ZFHX4: variants seen among roughly 807,000 people sequenced by gnomAD.
ZFHX4 encodes the protein zinc finger homeobox protein 4.
ZFHX4 carries 56 observed loss-of-function variants against 267.6 expected under a neutral mutation model. The ratio of observed to expected loss-of-function variants is 0.21; its 90% CI spans 0.17 to 0.26. The LOEUF is 0.26. Among genes scored for constraint, ZFHX4 ranks in the 10% least tolerant of loss-of-function variants. The pLI, the probability that ZFHX4 is intolerant of heterozygous loss-of-function variation, is 1.00. For missense variants in ZFHX4, 4,332 were observed against 4,420.0 expected (o/e 0.98, Z 0.56); for synonymous variants, 1,778 against 1,665.6 (o/e 1.07, Z -1.64).
At chr8:76,808,499 C>T (rs1039255572) in intron 4 of ZFHX4, among the ~76,000 whole-genome samples, 2 of 152,256 alleles carry the variant, frequency 1.3e-5, no homozygotes, top group South Asian at 4.1e-4. Flanking sequence ...ATGACGCTAA[C>T]GAATCCCAGC....
At position 76,845,738 on chromosome 8, in the gene ZFHX4, A is replaced by C. The variant is rs143568043; in HGVS notation, c.3511+2967A>C. On this transcript the variant is annotated intron_variant, in intron 6 of 10. Coordinates refer to ENST00000651372, the MANE Select transcript of ZFHX4 (RefSeq NM_024721.5). ...TTTTAGGGATTGAAAATTATTAAGA[A>C]GGCGGCATCTGCATTGAAATGAATT... is the stretch of plus-strand genomic sequence containing the variant. 5.2e-3 allele frequency among the ~76,000 whole-genome samples: 795 copies of C among 152,130 alleles called. 8 individuals carry two copies. Among genetic ancestry groups the C allele is most frequent in the African/African-American group, 0.018 (758 of 41,546 alleles).
chr8:76,851,186 G>C lies in ZFHX4; in HGVS notation c.4265G>C (p.Arg1422Pro), dbSNP rs764104033. 3 of 1,613,702 alleles carry C rather than the reference G, an allele frequency of 1.9e-6. No individual in the cohort carries two copies. The African/African-American group carries it at 4.0e-5, about 22-fold the overall frequency. ...LQIHSQYHAI[R>P]AATMCNLCQR... is the part of the protein sequence containing the mutation. Reference sequence around the variant, plus strand: ...ATACATTCCCAGTATCATGCAATTCGGGCTGCGACAATGTGTAACCTCTGC... The same window carrying C: ...ATACATTCCCAGTATCATGCAATTCCGGCTGCGACAATGTGTAACCTCTGC... The change falls in exon 10 of 11, where the codon CGG becomes CCG. Residue 1422 changes from arginine (R) to proline (P), a missense_variant. This residue lies in a region of ZFHX4 where 1,371 missense variants were observed against 1,423.1 expected (regional missense o/e 0.96). Coordinates refer to ENST00000651372, the MANE Select transcript of ZFHX4 (RefSeq NM_024721.5).
At chr8:76,744,569 T>G (rs1020724189) in intron 3 of ZFHX4, among the ~76,000 whole-genome samples, 3 of 151,920 alleles carry the variant, frequency 2.0e-5, no homozygotes, top group South Asian at 2.1e-4. Flanking sequence ...TGTGCCATTA[T>G]GCCCAGCTAA....
intron 1 of ZFHX4, among the ~76,000 whole-genome samples, chr8:76,700,623 A>T (rs1808078588): frequency 6.6e-6 from 1 of 152,196 alleles, no homozygotes; most frequent in South Asian, 2.1e-4. Flanking sequence ...ATGAGTAATA[A>T]AAGTTCTTTT....
chr8:76,836,463 T>C (rs1373137452), intron 5 of ZFHX4, among the ~76,000 whole-genome samples: 1 of 152,094 alleles, frequency 6.6e-6, no homozygotes, highest in Non-Finnish European at 1.5e-5. Flanking sequence ...AGAGAAGTTC[T>C]CTGAGGAAAT....
chr8:76,682,758 G>T (rs1807575261), intron 1 of ZFHX4: 1 of 152,490 alleles, frequency 6.6e-6, no homozygotes, highest in Non-Finnish European at 1.5e-5. Flanking sequence ...CCCCCTAAAA[G>T]GGTTCCATGC....
chr8:76,701,899 C>A (rs1457825534), intron 1 of ZFHX4, among the ~76,000 whole-genome samples: 1 of 152,070 alleles, frequency 6.6e-6, no homozygotes, highest in Non-Finnish European at 1.5e-5. Context: ...TTTAATCTAG[C>A]ATCATTAATT....
intron 3 of ZFHX4, among the ~76,000 whole-genome samples, chr8:76,756,721 C>T (rs1309528138): frequency 6.6e-6 from 1 of 151,922 alleles, no homozygotes; most frequent in African/African-American, 2.4e-5. Context: ...TTCCCTTTTC[C>T]CAGTGTCTTA....
intron 3 of ZFHX4, among the ~76,000 whole-genome samples, chr8:76,750,669 G>A (rs1394980628): frequency 3.3e-5 from 5 of 151,934 alleles, no homozygotes; most frequent in Non-Finnish European, 7.4e-5. Context: ...TAAATTCTGT[G>A]AAATATTTCT....
chr8:76,747,693 A>G (rs1278204344), intron 3 of ZFHX4, among the ~76,000 whole-genome samples: 4 of 152,184 alleles, frequency 2.6e-5, no homozygotes, highest in African/African-American at 4.8e-5. Context: ...GCACTTTGGG[A>G]GGCCGAGGCA....
At chr8:76,739,388 C>T (rs999134735) in intron 3 of ZFHX4, among the ~76,000 whole-genome samples, 1 of 152,140 alleles carries the variant, frequency 6.6e-6, no homozygotes, top group Non-Finnish European at 1.5e-5. Flanking sequence ...CATGATATAA[C>T]TACCTCATGG....
intron 3 of ZFHX4, among the ~76,000 whole-genome samples, chr8:76,768,162 G>A (rs184764500): frequency 5.6e-4 from 85 of 152,246 alleles, no homozygotes; most frequent in African/African-American, 1.9e-3. Context: ...AATGGAGTAA[G>A]TTATAGACAT....
chr8:76,812,727 T>C (rs1211253208), intron 4 of ZFHX4, among the ~76,000 whole-genome samples: 1 of 152,190 alleles, frequency 6.6e-6, no homozygotes, highest in African/African-American at 2.4e-5. Flanking sequence ...AGGAAAGAGT[T>C]ATATTTTTAG....
At chr8:76,735,784 C>T (rs141338675) in intron 3 of ZFHX4, among the ~76,000 whole-genome samples, 92 of 152,062 alleles carry the variant, frequency 6.1e-4, no homozygotes, top group African/African-American at 2.0e-3. Flanking sequence ...TGTGTTTAGG[C>T]GACAGATTTT....
In ZFHX4 at chr8:76,708,060, C is replaced by T. The variant is rs1157431316; in HGVS notation, c.3093+12C>T. 3 of 1,611,950 alleles carry T rather than the reference C, an allele frequency of 1.9e-6. No individual in the cohort carries two copies. In the South Asian group the frequency reaches 3.3e-5, roughly 18 times the overall value. On this transcript the variant is annotated intron_variant, in intron 3 of 10. Coordinates refer to ENST00000651372, the MANE Select transcript of ZFHX4 (RefSeq NM_024721.5). ...TGAAGCTCTACAAGGTAAGCAGTGA[C>T]ATCCATTTCCGTTGGCACAGAGTAG...
At chr8:76,708,491 CAT>C (rs1012458446) in intron 3 of ZFHX4, among the ~76,000 whole-genome samples, 19 of 152,040 alleles carry the variant, frequency 1.2e-4, no homozygotes, top group African/African-American at 4.6e-4. Flanking sequence ...ACGCTCCAAA[CAT>C]AATGTTTGTT....
In ZFHX4 at chr8:76,852,078, G is replaced by T; in HGVS notation, c.5157G>T (p.Leu1719Phe). ...CTCAGTTTCTAAACCCAGCCTTTTT[G>T]CCTCATTTTCCTATGACCCCAGAAG... ...FQPQFLNPAF[L>F]PHFPMTPEAL... Residue 1719 changes from leucine (L) to phenylalanine (F), a missense_variant, in exon 10 of 11, where the codon TTG becomes TTT. Physicochemically the swap from Leu to Phe is conservative, Grantham distance 22. Around this residue, in one of 7 missense-constraint regions of ZFHX4, gnomAD observed 1,371 missense variants for 1,423.1 expected, o/e 0.96. Transcript: ENST00000651372. 6.2e-7 allele frequency: 1 copy of T among 1,613,800 alleles called. No homozygotes were observed. The highest frequency in any genetic ancestry group is 8.5e-7 in the Non-Finnish European group (1 of 1,179,830).
intron 10 of ZFHX4, among the ~76,000 whole-genome samples, chr8:76,856,990 C>T (rs1287034865): frequency 6.6e-6 from 1 of 152,010 alleles, no homozygotes; most frequent in East Asian, 1.9e-4. Flanking sequence ...TACTTCATGC[C>T]TTTATTCCCT....
chr8:76,859,189 C>T (rs1488110725), intron 10 of ZFHX4, among the ~76,000 whole-genome samples: 1 of 152,122 alleles, frequency 6.6e-6, no homozygotes, highest in Non-Finnish European at 1.5e-5. Context: ...ACTTTCTTAT[C>T]TTCCAAGAAA....
Sources: allele counts gnomAD v4.1 joint callset (sites outside exome capture counted in the v4.1 genomes callset), GRCh38; gene constraint gnomAD v4.1.1; regional missense constraint gnomAD v4.1.1; transcripts MANE v1.5; gene names NCBI Gene and HGNC (gene_info 2026-07-23, HGNC 2026-07-21).